The following PLEKHH1 variants were observed in gnomAD, a reference collection of about 807,000 sequenced individuals.
PLEKHH1 encodes the protein pleckstrin homology domain-containing family H member 1.
Under a neutral mutation model 160.0 loss-of-function variants are expected in PLEKHH1, and 104 were observed. That is an observed-to-expected ratio of 0.65 (90% CI 0.55 to 0.76). The LOEUF (loss-of-function observed/expected upper bound fraction) is 0.76. PLEKHH1 is among the 30% of genes least tolerant of loss of function. The pLI, the probability that PLEKHH1 is intolerant of heterozygous loss-of-function variation, is 0.00. For synonymous variants in PLEKHH1, 619 were observed against 678.4 expected (o/e 0.91, Z 1.36); for missense variants, 1,427 against 1,724.1 (o/e 0.83, Z 3.05).
chr14:67,585,779 G>C, intron 27 of PLEKHH1, 125 bp downstream of exon 27: 1 of 992,510 alleles, frequency 1.0e-6, no homozygotes, highest in Non-Finnish European at 1.5e-6. Context: ...TCCTGCCCAA[G>C]CACCAGTCCT....
Position 67,562,238 on chromosome 14 carries a change from G to GAC in PLEKHH1, c.609_610dup (p.Ser204ThrfsTer9). 6.2e-7 allele frequency: 1 copy of GAC among 1,612,672 alleles called. No homozygotes were observed. The highest frequency in any genetic ancestry group is 8.5e-7 in the Non-Finnish European group (1 of 1,179,292). ...GCCGGGAATCCAGCCTATGGGCCAG[G>GAC]ACAGTGGCTCCCAGGCCCAGGGTCT... On this transcript the variant is annotated frameshift_variant, in exon 7 of 29. Transcript: ENST00000329153. LOFTEE classifies it high-confidence loss of function.
chr14:67,561,692 A>C (rs911054903), intron 5 of PLEKHH1, among the ~76,000 whole-genome samples: 1 of 151,868 alleles, frequency 6.6e-6, no homozygotes, highest in African/African-American at 2.4e-5. Flanking sequence ...ACATAGCGAG[A>C]GCTTGTCTCT....
Position 67,537,376 on chromosome 14 carries a change from TAATAAA to T in PLEKHH1, c.-35+3981_-35+3986del, listed in dbSNP as rs776831370. 5.7e-3 allele frequency among the ~76,000 whole-genome samples: 746 copies of T among 129,930 alleles called. 4 individuals are homozygous for T. The highest frequency in any genetic ancestry group is 0.011 in the East Asian group (48 of 4,286). 85.2% of individuals were successfully genotyped at this position (129,930 alleles called of 152,430 possible). A position where few individuals can be genotyped will look rare whatever the true frequency, so the allele number is the denominator to read the frequency against. ...ATAATAATAATAATAATAATAATAATAATAAAAACTTAATCTTAGGCTGGGCGCAGT... is the reference window on the plus strand; with the variant it reads ...ATAATAATAATAATAATAATAATAATAACTTAATCTTAGGCTGGGCGCAGT... On this transcript the variant is annotated intron_variant, in intron 1 of 28. Coordinates refer to ENST00000329153, the MANE Select transcript of PLEKHH1 (RefSeq NM_020715.3).
intron 1 of PLEKHH1, among the ~76,000 whole-genome samples, chr14:67,540,990 A>T (rs1038671456): frequency 1.3e-4 from 20 of 152,064 alleles, no homozygotes; most frequent in African/African-American, 4.3e-4. Context: ...ATTTGTACAA[A>T]TTTTTTTCCC....
intron 5 of PLEKHH1, among the ~76,000 whole-genome samples, chr14:67,559,899 C>A (rs1375217719): frequency 1.3e-5 from 2 of 152,216 alleles, no homozygotes; most frequent in African/African-American, 4.8e-5. Flanking sequence ...GAGCTCCTGA[C>A]TAGCTTGGTG....
chr14:67,574,756 C>T lies in PLEKHH1; in HGVS notation c.2088+353C>T, dbSNP rs1017221327. 1.5e-4 allele frequency among the ~76,000 whole-genome samples: 23 copies of T among 152,102 alleles called. No individual in the cohort carries two copies. The highest frequency in any genetic ancestry group is 1.4e-3 in the Admixed American group (21 of 15,290). On this transcript the variant is annotated intron_variant, in intron 14 of 28. Transcript: ENST00000329153. The surrounding 1 kb of genome is among the most constrained non-coding windows in gnomAD (Gnocchi z 4.2). ...AGGCCTGGGCGAGGTAGGTATGGCT[C>T]CTCAAAGACTTAAAGTATCCCAGGC...
intron 9 of PLEKHH1, 161 bp from the exon 10 acceptor site, chr14:67,571,591 A>G: frequency 1.6e-6 from 1 of 628,150 alleles, no homozygotes; most frequent in Non-Finnish European, 2.8e-6. Context: ...ATGACACAGG[A>G]GTGAGGCCAG....
At chr14:67,555,146 G>C (rs2034543371) in intron 2 of PLEKHH1, among the ~76,000 whole-genome samples, 1 of 152,158 alleles carries the variant, frequency 6.6e-6, no homozygotes, top group African/African-American at 2.4e-5. Context: ...TTGAACTCCA[G>C]GGCTCAAGTG....
chr14:67,555,945 G>C, intron 3 of PLEKHH1, 58 bp downstream of exon 3: 1 of 1,592,492 alleles, frequency 6.3e-7, no homozygotes, highest in South Asian at 1.1e-5. Flanking sequence ...GGCCCTTCCA[G>C]GCCCTTCCCA....
chr14:67,550,742 G>A (rs2034364561), intron 2 of PLEKHH1, among the ~76,000 whole-genome samples: 1 of 152,220 alleles, frequency 6.6e-6, no homozygotes, highest in African/African-American at 2.4e-5. Context: ...GGATTTTTAT[G>A]TGACATGTGA....
At chr14:67,537,865 G>T (rs943154103) in intron 1 of PLEKHH1, among the ~76,000 whole-genome samples, 12 of 152,110 alleles carry the variant, frequency 7.9e-5, no homozygotes, top group African/African-American at 2.9e-4. Context: ...CCCACTGACT[G>T]CTGTGGCATT....
Position 67,569,159 on chromosome 14 carries a change from G to C in PLEKHH1, c.1285G>C (p.Ala429Pro), listed in dbSNP as rs1394865086. Residue 429 changes from alanine (A) to proline (P), a missense_variant, in exon 8 of 29, where the codon GCC becomes CCC. Around this residue, in one of 6 missense-constraint regions of PLEKHH1, gnomAD observed 831 missense variants for 929.2 expected, o/e 0.89. Transcript: ENST00000329153. ...SSWESRIYAV[A>P]TSGMRLSDMS... ...TCAGGAGAGCCGGATCTATGCTGTG[G>C]CCACATCGGGCATGCGGCTCTCAGA... 1 of 1,612,702 alleles carries C rather than the reference G, an allele frequency of 6.2e-7. No homozygotes were observed. The highest frequency in any genetic ancestry group is 1.7e-5 in the Admixed American group (1 of 60,016).
Position 67,587,352 on chromosome 14 carries a change from G to C in PLEKHH1, c.*117G>C. 8.5e-7 allele frequency: 1 copy of C among 1,177,498 alleles called. No homozygotes were observed. 72.9% of individuals were successfully genotyped at this position (1,177,498 alleles called of 1,614,324 possible). ...CAGCCCCCGGCTACTCTTGTTCTGT[G>C]AAATGTGTATTTTAGTCTCTGTGAA... On this transcript the variant is annotated 3_prime_UTR_variant, in exon 29 of 29. Transcript: ENST00000329153.
intron 7 of PLEKHH1, among the ~76,000 whole-genome samples, chr14:67,564,438 C>G (rs2034988904): frequency 6.6e-6 from 1 of 152,136 alleles, no homozygotes; most frequent in African/African-American, 2.4e-5. Flanking sequence ...CTTTGCCAAG[C>G]TGGGCGATGG....
intron 7 of PLEKHH1, 133 bp downstream of exon 7, chr14:67,563,027 A>T: frequency 1.1e-6 from 1 of 881,030 alleles, no homozygotes; most frequent in South Asian, 1.8e-5. Flanking sequence ...GGCAGGTACC[A>T]TGGAGCCTGT....
chr14:67,555,072 T>C (rs12433821), intron 2 of PLEKHH1, among the ~76,000 whole-genome samples: 35,488 of 151,800 alleles, frequency 0.23, 4,477 homozygotes, highest in East Asian at 0.48. Flanking sequence ...ACCGCCACGC[T>C]CAGCTAATTA....
chr14:67,569,255 AGGTGGGCAG>A, intron 8 of PLEKHH1, 39 bp downstream of exon 8: 1 of 1,474,544 alleles, frequency 6.8e-7, no homozygotes, highest in Non-Finnish European at 9.5e-7. Context: ...CAAACACCCA[AGGTGGGCAG>A]GGTGGGCAAG....
Position 67,579,829 on chromosome 14 carries a change from G to A in PLEKHH1, c.3136G>A (p.Asp1046Asn), listed in dbSNP as rs762359584. ...SHSGFALFTD[D>N]PSGRDLEHCL... ...CTCTGGCTTTGCCCTCTTCACGGAC[G>A]ATCCCTCGGGCAGGGACCTGGAGCA... Residue 1046 changes from aspartate to asparagine, a missense_variant, in exon 22 of 29, where the codon GAT becomes AAT. Physicochemically the swap from Asp to Asn is conservative, Grantham distance 23. Around this residue, in one of 6 missense-constraint regions of PLEKHH1, gnomAD observed 436 missense variants for 607.5 expected, o/e 0.72. Coordinates refer to ENST00000329153, the MANE Select transcript of PLEKHH1 (RefSeq NM_020715.3). The A allele has an allele frequency of 3.1e-6, 5 of 1,608,162 alleles. No homozygotes were observed. The highest frequency in any genetic ancestry group is 4.2e-6 in the Non-Finnish European group (5 of 1,177,410).
At chr14:67,570,215 A>G in intron 9 of PLEKHH1, 1 of 349,766 alleles carries the variant, frequency 2.9e-6, no homozygotes, top group Non-Finnish European at 4.0e-6. Flanking sequence ...GTGAATCAGT[A>G]TGAACGTGGA....
Sources: gnomAD v4.1 joint callset for allele counts (sites outside exome capture counted in the v4.1 genomes callset) on GRCh38, gnomAD v4.1.1 for gene constraint, gnomAD v4.1.1 regional missense constraint, Gnocchi (gnomAD v3.1) non-coding constraint, MANE v1.5 for transcripts, NCBI Gene and HGNC (gene_info 2026-07-23, HGNC 2026-07-21) for gene names.